The following CDC42SE2 variants were observed in gnomAD, a reference collection of about 807,000 sequenced individuals.
CDC42SE2 encodes CDC42 small effector 2, also known as CDC42 small effector protein 2.
A neutral mutation model predicts 11.5 loss-of-function variants in CDC42SE2; 3 were observed. The ratio of observed to expected loss-of-function variants is 0.26; its 90% CI spans 0.12 to 0.67. The LOEUF is 0.67. Among genes scored for constraint, CDC42SE2 ranks in the 30% least tolerant of loss-of-function variants. The pLI is 0.80. For missense variants in CDC42SE2, 82 were observed against 106.8 expected (o/e 0.77, Z 1.02); for synonymous variants, 33 against 34.8 (o/e 0.95, Z 0.18).
chr5:131,233,102 G>A, the CDC42SE2 span, among the ~76,000 whole-genome samples: 16 of 152,012 alleles, frequency 1.1e-4, no homozygotes, highest in East Asian at 1.9e-4. Context: ...AAACACATAC[G>A]GGTCTGTATA....
intron 2 of CDC42SE2, among the ~76,000 whole-genome samples, chr5:131,340,467 A>T (rs1758685402): frequency 6.6e-6 from 1 of 152,126 alleles, no homozygotes; most frequent in African/African-American, 2.4e-5. Context: ...ATTATCTTTC[A>T]TGGTTAAGAG....
intron 2 of CDC42SE2, among the ~76,000 whole-genome samples, chr5:131,318,165 C>A (rs1167978645): frequency 1.3e-5 from 2 of 152,124 alleles, no homozygotes; most frequent in Non-Finnish European, 2.9e-5. Flanking sequence ...TCTTGAACTC[C>A]TGGGCTCAAG....
At chr5:131,389,646 CAG>C (rs1750590290) in intron 4 of CDC42SE2, among the ~76,000 whole-genome samples, 1 of 152,192 alleles carries the variant, frequency 6.6e-6, no homozygotes, top group African/African-American at 2.4e-5. Context: ...TATATTGACT[CAG>C]AATCACCAGT....
intron 1 of CDC42SE2, among the ~76,000 whole-genome samples, chr5:131,252,007 C>A (rs547751165): frequency 3.1e-4 from 46 of 146,442 alleles, no homozygotes; most frequent in Non-Finnish European, 6.3e-4. Context: ...AGAGCAAGAC[C>A]CTGTCTCAAA....
chr5:131,272,800 C>CT (rs1414895291), intron 1 of CDC42SE2, among the ~76,000 whole-genome samples: 2 of 152,152 alleles, frequency 1.3e-5, no homozygotes, highest in African/African-American at 2.4e-5. Context: ...CTACAATCTG[C>CT]TTTTTTTCTC....
At chr5:131,336,991 C>G (rs1398573552) in intron 2 of CDC42SE2, among the ~76,000 whole-genome samples, 1 of 152,204 alleles carries the variant, frequency 6.6e-6, no homozygotes, top group Admixed American at 6.5e-5. Flanking sequence ...CTCTGTCCAG[C>G]TTTGTTCCGT....
intron 2 of CDC42SE2, among the ~76,000 whole-genome samples, chr5:131,346,290 A>G (rs1286466296): frequency 3.3e-5 from 5 of 152,214 alleles, no homozygotes. Flanking sequence ...TAGGCTCAAA[A>G]TAAAGGGATG....
chr5:131,358,651 A>G (rs1482756167), intron 2 of CDC42SE2, among the ~76,000 whole-genome samples: 4 of 152,080 alleles, frequency 2.6e-5, no homozygotes, highest in Non-Finnish European at 5.9e-5. Context: ...AGTGGTAGGG[A>G]TCTAATAGCT....
intron 2 of CDC42SE2, among the ~76,000 whole-genome samples, chr5:131,356,288 C>T (rs1749542045): frequency 6.6e-6 from 1 of 152,178 alleles, no homozygotes; most frequent in Non-Finnish European, 1.5e-5. Context: ...ATGTTTTAAG[C>T]AGCTTTCAGC....
chr5:131,292,515 C>T (rs1441600952), intron 1 of CDC42SE2, among the ~76,000 whole-genome samples: 1 of 146,224 alleles, frequency 6.8e-6, no homozygotes, highest in Non-Finnish European at 1.5e-5. Flanking sequence ...TTGCAGTGAG[C>T]CGAGACTGCA....
chr5:131,226,094 T>A, the CDC42SE2 span, among the ~76,000 whole-genome samples: 13 of 152,334 alleles, frequency 8.5e-5, no homozygotes, highest in Non-Finnish European at 1.6e-4. Context: ...AAGGATCAAC[T>A]GGCCCTGTTT....
At chr5:131,320,043 T>A (rs1382834842) in intron 2 of CDC42SE2, among the ~76,000 whole-genome samples, 2 of 93,898 alleles carry the variant, frequency 2.1e-5, no homozygotes, top group Admixed American at 1.6e-4. Flanking sequence ...AGAGCAAGAC[T>A]CCGTCTTAAA....
At chr5:131,260,624 C>CAAAAAA (rs34035270), upstream of CDC42SE2, among the ~76,000 whole-genome samples, 1 of 96,400 alleles carries the variant, frequency 1.0e-5, no homozygotes, top group African/African-American at 4.0e-5. Flanking sequence ...GACGCTCTCT[C>CAAAAAA]AAAAAAAAAA....
chr5:131,277,792 C>T (rs1195035364), intron 1 of CDC42SE2, among the ~76,000 whole-genome samples: 1 of 152,144 alleles, frequency 6.6e-6, no homozygotes, highest in Non-Finnish European at 1.5e-5. Flanking sequence ...AAAAATAGGT[C>T]CTCCCCATCA....
chr5:131,302,407 G>A (rs578027975), intron 1 of CDC42SE2, among the ~76,000 whole-genome samples: 21 of 152,244 alleles, frequency 1.4e-4, no homozygotes, highest in African/African-American at 2.2e-4. Context: ...ACGAACTCCC[G>A]ACCTCGGGTG....
At chr5:131,307,165 A>G (rs1757796447) in intron 1 of CDC42SE2, among the ~76,000 whole-genome samples, 1 of 151,040 alleles carries the variant, frequency 6.6e-6, no homozygotes, top group African/African-American at 2.4e-5. Context: ...TGCTGCACCC[A>G]CTAACTCGTC....
At chr5:131,310,505 T>C (rs1384867472) in intron 1 of CDC42SE2, among the ~76,000 whole-genome samples, 3 of 152,166 alleles carry the variant, frequency 2.0e-5, no homozygotes, top group East Asian at 1.9e-4. Flanking sequence ...ATATCCTTGT[T>C]GACTTTCTGT....
At chr5:131,284,959 A>G (rs1757311172) in intron 1 of CDC42SE2, among the ~76,000 whole-genome samples, 1 of 151,956 alleles carries the variant, frequency 6.6e-6, no homozygotes, top group South Asian at 2.1e-4. Context: ...ACTTGAGTCT[A>G]GCCTGGACAA....
At chr5:131,361,069 G>A (rs1441421534) in intron 3 of CDC42SE2, among the ~76,000 whole-genome samples, 1 of 133,014 alleles carries the variant, frequency 7.5e-6, no homozygotes, top group Non-Finnish European at 1.7e-5. Context: ...GAGTTTGTTT[G>A]TTTGTTTTTT....
Sources: gnomAD v4.1 joint callset for allele counts (sites outside exome capture counted in the v4.1 genomes callset) on GRCh38, gnomAD v4.1.1 for gene constraint, MANE v1.5 for transcripts, NCBI Gene and HGNC (gene_info 2026-07-23, HGNC 2026-07-21) for gene names.